The following CFAP157 variants were observed in gnomAD, a reference collection of about 807,000 sequenced individuals.
CFAP157 encodes cilia- and flagella-associated protein 157.
CFAP157 carries 43 observed loss-of-function variants against 57.8 expected under a neutral mutation model. The ratio of observed to expected loss-of-function variants is 0.74; its 90% CI spans 0.58 to 0.96. The LOEUF (loss-of-function observed/expected upper bound fraction) is 0.96, where lower values mean the gene tolerates loss of function less well. Ranked by LOEUF, CFAP157 falls within the 40% of genes least tolerant of loss-of-function variation. The pLI is 0.00. For synonymous variants in CFAP157, 267 were observed against 269.0 expected (o/e 0.99, Z 0.07); for missense variants, 606 against 655.3 (o/e 0.92, Z 0.82).
rs770747114 is a variant in CFAP157, at chr9:127,709,599, G to A, written c.339G>A (p.Glu113=). Residue 113 remains glutamate, a synonymous_variant, in exon 2 of 9, where the codon GAG becomes GAA. Transcript: ENST00000373295. This position sits in a 1 kb window ranked among gnomAD's most constrained non-coding sequence, Gnocchi z 4.7. ...TCCAGAACTTGCAGCTAGCCAAAGA[G>A]ATGGAGAAGGATGCCTTCGAGGCGC... ...EQLQNLQLAK[E]MEKDAFEAQL... The A allele has an allele frequency of 6.2e-7, 1 of 1,614,042 alleles. No homozygotes were observed. The highest frequency in any genetic ancestry group is 8.5e-7 in the Non-Finnish European group (1 of 1,180,034).
At chr9:127,713,806 C>A in intron 8 of CFAP157, 28 bp from the exon 9 acceptor site, 1 of 1,607,080 alleles carries the variant, frequency 6.2e-7, no homozygotes, top group Non-Finnish European at 8.5e-7. Flanking sequence ...TGCACCCGGC[C>A]TCCAAGCCAG....
rs1378513360 is a variant in CFAP157, at chr9:127,710,725, G to A, written c.558G>A (p.Leu186=). Residue 186 remains leucine (L), a synonymous_variant, in exon 3 of 9, where the codon CTG becomes CTA. Transcript: ENST00000373295. ...AGTTCAGGGACTATGCATACAACCT[G>A]GAGAAGAAGTCGGTGCTGGACAAGG... The part of the protein sequence containing the change: ...ENEFRDYAYN[L]EKKSVLDKDR... 4.5e-6 allele frequency: 7 copies of A among 1,570,220 alleles called. No individual in the cohort carries two copies. Among genetic ancestry groups the A allele is most frequent in the Non-Finnish European group, 6.1e-6 (7 of 1,156,736 alleles).
intron 1 of CFAP157, among the ~76,000 whole-genome samples, chr9:127,707,803 T>C (rs1490855136): frequency 6.6e-6 from 1 of 152,156 alleles, no homozygotes; most frequent in African/African-American, 2.4e-5. Flanking sequence ...ACCAGTTTCC[T>C]CCCCGTTGTG....
chr9:127,712,132 C>A (rs1444198644), intron 5 of CFAP157, 67 bp from the exon 6 acceptor site: 47 of 1,585,784 alleles, frequency 3.0e-5, no homozygotes, highest in Non-Finnish European at 4.0e-5. Context: ...GGCAGGGCCC[C>A]TGGCCCCAGG....
rs1842724987 is a variant in CFAP157, at chr9:127,709,881, C to A, written c.433+188C>A. ...CCAGTTTGTAGACAAGGAAGCACCT[C>A]AAAAGATGAAGTGTCGTGACCAAGG... On this transcript the variant is annotated intron_variant, in intron 2 of 8. Coordinates refer to ENST00000373295, the MANE Select transcript of CFAP157 (RefSeq NM_001012502.3). This position sits in a 1 kb window ranked among gnomAD's most constrained non-coding sequence, Gnocchi z 4.7. 6.6e-6 allele frequency among the ~76,000 whole-genome samples: 1 copy of A among 152,200 alleles called. No individual in the cohort carries two copies. Among genetic ancestry groups the A allele is most frequent in the African/African-American group, 2.4e-5 (1 of 41,450 alleles).
Position 127,715,718 on chromosome 9 carries a change from T to C in CFAP157, c.*1813T>C, listed in dbSNP as rs542015547. On this transcript the variant is annotated 3_prime_UTR_variant, in exon 9 of 9. Transcript: ENST00000373295. The surrounding 1 kb of genome is among the most constrained non-coding windows in gnomAD (Gnocchi z 5.8). The stretch of plus-strand genomic sequence containing the variant: ...CAATCGTGTTGCCAACTGTTTGGCG[T>C]CCACCGCCAACGTCCAATCCGGGCC... 694 of 1,555,638 alleles carry C rather than the reference T, an allele frequency of 4.5e-4. 3 individuals are homozygous for C. In the African/African-American group the frequency reaches 8.3e-3, roughly 19 times the overall value.
At position 127,714,562 on chromosome 9, in the gene CFAP157, C is replaced by A. The variant is rs1203540360; in HGVS notation, c.*657C>A. 3.8e-6 allele frequency: 6 copies of A among 1,597,924 alleles called. No individual in the cohort carries two copies. The highest frequency in any genetic ancestry group is 2.2e-5 in the South Asian group (2 of 90,630). ...GCCCTACTCCACCCCAACTGGGAGG[C>A]CTGAAGCCCTATCCCAACCCTGACC... On this transcript the variant is annotated 3_prime_UTR_variant, in exon 9 of 9. Coordinates refer to ENST00000373295, the MANE Select transcript of CFAP157 (RefSeq NM_001012502.3).
In CFAP157 at chr9:127,709,729, A is replaced by C. The variant is rs768839920; in HGVS notation, c.433+36A>C. On this transcript the variant is annotated intron_variant, in intron 2 of 8. Coordinates refer to ENST00000373295, the MANE Select transcript of CFAP157 (RefSeq NM_001012502.3). This position sits in a 1 kb window ranked among gnomAD's most constrained non-coding sequence, Gnocchi z 4.7. Reference sequence around the variant, plus strand: ...GACTGGCTGGTGAGCCTGCAGGCACACATCCCAGCTCTATCACTGACCCTG... The same window carrying C: ...GACTGGCTGGTGAGCCTGCAGGCACCCATCCCAGCTCTATCACTGACCCTG... 10 of 1,598,460 alleles carry C rather than the reference A, an allele frequency of 6.3e-6. No individual in the cohort carries two copies. Among genetic ancestry groups the C allele is most frequent in the Non-Finnish European group, 6.0e-6 (7 of 1,171,238 alleles).
rs1288176917 is a variant in CFAP157 at position 127,714,139 on chromosome 9, G to A, written c.*234G>A. The A allele has an allele frequency of 1.2e-6, 2 of 1,613,770 alleles. No individual in the cohort carries two copies. Among genetic ancestry groups the A allele is most frequent in the Admixed American group, 1.7e-5 (1 of 60,006 alleles). On this transcript the variant is annotated 3_prime_UTR_variant, in exon 9 of 9. Coordinates refer to ENST00000373295, the MANE Select transcript of CFAP157 (RefSeq NM_001012502.3). ...AGGGCCCCTGGCTTCGCTCACGGATGTGGTCCAAGATCAGGTCGGTGGCTC... is the reference window on the plus strand; with the variant it reads ...AGGGCCCCTGGCTTCGCTCACGGATATGGTCCAAGATCAGGTCGGTGGCTC...
In CFAP157 at chr9:127,715,788, C is replaced by A; in HGVS notation, c.*1883C>A. ...CTTCTGAGGGGCGGAAGCGGCGAGG[C>A]GGTGGCCGAGTCCGGGAACCCAGGC... On this transcript the variant is annotated 3_prime_UTR_variant, in exon 9 of 9. Coordinates refer to ENST00000373295, the MANE Select transcript of CFAP157 (RefSeq NM_001012502.3). This position sits in a 1 kb window ranked among gnomAD's most constrained non-coding sequence, Gnocchi z 5.8. The A allele has an allele frequency of 2.0e-6, 3 of 1,473,112 alleles. No homozygotes were observed. The highest frequency in any genetic ancestry group is 1.8e-6 in the Non-Finnish European group (2 of 1,108,034). 91.3% of individuals were successfully genotyped at this position (1,473,112 alleles called of 1,614,324 possible).
chr9:127,715,800 C>T lies in CFAP157; in HGVS notation c.*1895C>T, dbSNP rs1167469690. 1.1e-5 allele frequency: 15 copies of T among 1,414,744 alleles called. No homozygotes were observed. The South Asian group carries it at 1.8e-4, about 17-fold the overall frequency. The allele number at this position is 1,414,744 out of a possible 1,614,324, so 87.6% of individuals were successfully genotyped here. A position where few individuals can be genotyped will look rare whatever the true frequency, so the allele number is the denominator to read the frequency against. ...GGAAGCGGCGAGGCGGTGGCCGAGT[C>T]CGGGAACCCAGGCGCCTTCAGTAGC... On this transcript the variant is annotated 3_prime_UTR_variant, in exon 9 of 9. Transcript: ENST00000373295. This position sits in a 1 kb window ranked among gnomAD's most constrained non-coding sequence, Gnocchi z 5.8.
rs1773690467 is a variant in CFAP157, at chr9:127,715,036, T to C, written c.*1131T>C. ...GCCGCCGTGGCCGGAGCAGGACCAG[T>C]TGGGCATCCCCCAGCGGGGCCAGGG... On this transcript the variant is annotated 3_prime_UTR_variant, in exon 9 of 9. Transcript: ENST00000373295. The surrounding 1 kb of genome is among the most constrained non-coding windows in gnomAD (Gnocchi z 5.8). 3.3e-6 allele frequency: 5 copies of C among 1,519,402 alleles called. No individual in the cohort carries two copies. Among genetic ancestry groups the C allele is most frequent in the South Asian group, 2.4e-5 (2 of 82,502 alleles). 94.1% of individuals were successfully genotyped at this position (1,519,402 alleles called of 1,614,324 possible). A position where few individuals can be genotyped will look rare whatever the true frequency, so the allele number is the denominator to read the frequency against.
intron 1 of CFAP157, among the ~76,000 whole-genome samples, chr9:127,708,368 T>C (rs545487622): frequency 2.6e-5 from 4 of 152,134 alleles, no homozygotes; most frequent in South Asian, 2.1e-4. Context: ...TCCCAGCTAC[T>C]CAGGAGGCTG....
In CFAP157 at chr9:127,714,909, C is replaced by G. The variant is rs575219003; in HGVS notation, c.*1004C>G. On this transcript the variant is annotated 3_prime_UTR_variant, in exon 9 of 9. Transcript: ENST00000373295. ...GATCTGTCACAGCCAGTGCTCCCCT[C>G]TGGCCCCCGCGCCCCAACCCCCACC... The G allele has an allele frequency of 4.3e-4, 417 of 967,284 alleles. 2 individuals are homozygous for G. In the African/African-American group the frequency reaches 6.4e-3, roughly 15 times the overall value. The allele number at this position is 967,284 out of a possible 1,614,324, so 59.9% of individuals were successfully genotyped here.
At chr9:127,712,471 G>A (rs1274655696) in intron 6 of CFAP157, 122 bp downstream of exon 6, 7 of 1,469,316 alleles carry the variant, frequency 4.8e-6, no homozygotes, top group Non-Finnish European at 6.4e-6. Flanking sequence ...GAGACTCCTG[G>A]AAAGTCTGTC....
intron 6 of CFAP157, 133 bp from the exon 7 acceptor site, chr9:127,712,576 C>A: frequency 6.4e-7 from 1 of 1,558,382 alleles, no homozygotes. Flanking sequence ...CTCAGTCTTC[C>A]CGACTGAAGA....
Position 127,714,467 on chromosome 9 carries a change from A to C in CFAP157, c.*562A>C, listed in dbSNP as rs1449501851. 1 of 1,612,110 alleles carries C rather than the reference A, an allele frequency of 6.2e-7. No individual in the cohort carries two copies. Among genetic ancestry groups the C allele is most frequent in the Non-Finnish European group, 8.5e-7 (1 of 1,178,312 alleles). The stretch of plus-strand genomic sequence containing the variant: ...GGGGCAGTTAGTGCCTCCCTGGGGC[A>C]GTGTCCTTCCACCCCTCCCTGCCCC... On this transcript the variant is annotated 3_prime_UTR_variant, in exon 9 of 9. Coordinates refer to ENST00000373295, the MANE Select transcript of CFAP157 (RefSeq NM_001012502.3).
In CFAP157 at chr9:127,713,994, G is replaced by C. The variant is rs950241233; in HGVS notation, c.*89G>C. Reference sequence around the variant, plus strand: ...TCCGCAGGCAGCCTGGAACAGTCTAGAGGAGATTTGTATAAAAAGTAGATA... The same window carrying C: ...TCCGCAGGCAGCCTGGAACAGTCTACAGGAGATTTGTATAAAAAGTAGATA... On this transcript the variant is annotated 3_prime_UTR_variant, in exon 9 of 9. Transcript: ENST00000373295. 1.8e-5 allele frequency: 28 copies of C among 1,577,572 alleles called. No homozygotes were observed. The highest frequency in any genetic ancestry group is 2.4e-5 in the Non-Finnish European group (27 of 1,148,114).
Position 127,714,462 on chromosome 9 carries a change from G to C in CFAP157, c.*557G>C. 1 of 1,612,160 alleles carries C rather than the reference G, an allele frequency of 6.2e-7. No individual in the cohort carries two copies. The highest frequency in any genetic ancestry group is 8.5e-7 in the Non-Finnish European group (1 of 1,178,228). On this transcript the variant is annotated 3_prime_UTR_variant, in exon 9 of 9. Coordinates refer to ENST00000373295, the MANE Select transcript of CFAP157 (RefSeq NM_001012502.3). ...TGGGAGGGGCAGTTAGTGCCTCCCT[G>C]GGGCAGTGTCCTTCCACCCCTCCCT...
Sources: allele counts gnomAD v4.1 joint callset (sites outside exome capture counted in the v4.1 genomes callset), GRCh38; gene constraint gnomAD v4.1.1; non-coding constraint Gnocchi (gnomAD v3.1); transcripts MANE v1.5; gene names NCBI Gene and HGNC (gene_info 2026-07-23, HGNC 2026-07-21).